STS: variants seen among roughly 807,000 people sequenced by gnomAD.
The protein encoded by STS is steroid sulfatase, also known as steryl-sulfatase.
Under a neutral mutation model 26.8 loss-of-function variants are expected in STS, and 7 were observed. The observed-to-expected ratio is 0.26, with a 90% confidence interval of 0.15 to 0.49. The LOEUF (loss-of-function observed/expected upper bound fraction) is 0.49, where lower values mean the gene tolerates loss of function less well. STS is among the 20% of genes least tolerant of loss of function. STS has a pLI of 0.98. For missense variants in STS, 434 were observed against 465.6 expected (o/e 0.93, Z 0.63); for synonymous variants, 199 against 189.4 (o/e 1.05, Z -0.42).
intron 2 of STS, among the ~76,000 whole-genome samples, chrX:7,209,749 T>G (rs1467337382): frequency 9.1e-6 from 1 of 109,495 alleles, no homozygotes; most frequent in Non-Finnish European, 1.9e-5. Flanking sequence ...CTGCACCTAT[T>G]GACCCATCCT....
chrX:7,346,043 A>G (rs1928509695), intron 10 of STS, among the ~76,000 whole-genome samples: 1 of 110,925 alleles, frequency 9.0e-6, no homozygotes, highest in Non-Finnish European at 1.9e-5. Flanking sequence ...TCCCCAGGCA[A>G]TCCCAGGGAA....
intron 8 of STS, among the ~76,000 whole-genome samples, chrX:7,321,147 C>T (rs7051183): frequency 0.031 from 3,500 of 111,488 alleles, 96 homozygotes; most frequent in African/African-American, 0.078. Flanking sequence ...CTGGAGGCCA[C>T]TATCCTAAAA....
At chrX:7,219,960 C>T (rs1414698473) in intron 2 of STS, among the ~76,000 whole-genome samples, 1 of 112,365 alleles carries the variant, frequency 8.9e-6, no homozygotes, top group Non-Finnish European at 1.9e-5. Flanking sequence ...TCTAAATGAC[C>T]TATAATTAAA....
chrX:7,257,719 T>C, intron 5 of STS, 131 bp downstream of exon 5: 1 of 888,465 alleles, frequency 1.1e-6, no homozygotes. Flanking sequence ...TGGTACACTT[T>C]GCATAACTTT....
chrX:7,342,912 A>G (rs1388534734), intron 10 of STS, among the ~76,000 whole-genome samples: 5 of 111,371 alleles, frequency 4.5e-5, no homozygotes, highest in Admixed American at 9.5e-5. Context: ...GTATGGAACA[A>G]TTTTTTAGGT....
At chrX:7,174,108 A>T (rs1933520254) in intron 1 of STS, among the ~76,000 whole-genome samples, 1 of 111,871 alleles carries the variant, frequency 8.9e-6, no homozygotes, top group Non-Finnish European at 1.9e-5. Flanking sequence ...CAATCACAAA[A>T]CCATAAAGCA....
intron 8 of STS, among the ~76,000 whole-genome samples, chrX:7,323,582 C>T (rs1927175409): frequency 8.9e-6 from 1 of 111,763 alleles, no homozygotes; most frequent in South Asian, 3.8e-4. Flanking sequence ...GTGTAGTATT[C>T]CATGATGTAT....
At chrX:7,320,017 TA>T (rs1926921433) in intron 8 of STS, among the ~76,000 whole-genome samples, 1 of 94,687 alleles carries the variant, frequency 1.1e-5, no homozygotes, top group Non-Finnish European at 2.0e-5. Flanking sequence ...TATATATTTA[TA>T]TATATTTATA....
chrX:7,306,357 TA>T (rs1926215709), intron 8 of STS, among the ~76,000 whole-genome samples: 1 of 110,985 alleles, frequency 9.0e-6, no homozygotes, highest in Non-Finnish European at 1.9e-5. Flanking sequence ...CTGCAGTGGA[TA>T]TGGGTTGAAG....
At chrX:7,244,802 G>C (rs1165443251) in intron 2 of STS, among the ~76,000 whole-genome samples, 1 of 111,172 alleles carries the variant, frequency 9.0e-6, no homozygotes, top group African/African-American at 3.3e-5. Flanking sequence ...TGTTGAGGCT[G>C]AGAAACACTA....
intron 1 of STS, among the ~76,000 whole-genome samples, chrX:7,180,059 G>C (rs752428047): frequency 3.3e-3 from 370 of 111,497 alleles, no homozygotes; most frequent in South Asian, 7.7e-3. Flanking sequence ...ATACTCTACG[G>C]CAGTGGTCCC....
chrX:7,205,362 T>C (rs747407444), intron 2 of STS, among the ~76,000 whole-genome samples: 3 of 111,850 alleles, frequency 2.7e-5, no homozygotes, highest in South Asian at 3.7e-4. Context: ...TGTGGTTCTT[T>C]GGGGATATTA....
chrX:7,241,892 A>C (rs1922636049), intron 2 of STS, among the ~76,000 whole-genome samples: 1 of 111,893 alleles, frequency 8.9e-6, no homozygotes. Context: ...AGTTGCAGGC[A>C]GGACTTAGTT....
intron 2 of STS, among the ~76,000 whole-genome samples, chrX:7,241,344 G>A (rs1922610102): frequency 9.0e-6 from 1 of 111,307 alleles, no homozygotes; most frequent in South Asian, 3.7e-4. Flanking sequence ...AGGTTTTTTT[G>A]GTGAGATTTT....
At chrX:7,281,687 A>G (rs1040125791) in intron 7 of STS, among the ~76,000 whole-genome samples, 3 of 111,631 alleles carry the variant, frequency 2.7e-5, no homozygotes, top group Non-Finnish European at 3.8e-5. Flanking sequence ...ACACAAGAAA[A>G]CTCTGGCAAT....
chrX:7,182,784 T>C (rs1157839963), intron 1 of STS, among the ~76,000 whole-genome samples: 1 of 111,297 alleles, frequency 9.0e-6, no homozygotes, highest in Non-Finnish European at 1.9e-5. Context: ...TTCTTACAGA[T>C]GGGACCTTAC....
intron 1 of STS, among the ~76,000 whole-genome samples, chrX:7,152,204 A>C (rs200763101): frequency 1.8e-5 from 2 of 111,432 alleles, no homozygotes; most frequent in Non-Finnish European, 3.8e-5. Flanking sequence ...CGCCCCCCTC[A>C]GCCTCCCAAA....
intron 7 of STS, among the ~76,000 whole-genome samples, chrX:7,285,810 CA>C (rs1300078084): frequency 1.8e-5 from 2 of 111,527 alleles, no homozygotes; most frequent in Non-Finnish European, 3.8e-5. Flanking sequence ...AATTAAACTA[CA>C]AAAAAAATCT....
chrX:7,238,786 C>G (rs1262440435), intron 2 of STS, among the ~76,000 whole-genome samples: 1 of 110,740 alleles, frequency 9.0e-6, no homozygotes. Context: ...GAGCTGTGAT[C>G]GTACCACTGT....
Sources: gnomAD v4.1 joint callset for allele counts (sites outside exome capture counted in the v4.1 genomes callset) on GRCh38, gnomAD v4.1.1 for gene constraint, MANE v1.5 for transcripts, NCBI Gene and HGNC (gene_info 2026-07-23, HGNC 2026-07-21) for gene names.